Variants in NFIB observed in about 807,000 individuals in gnomAD.
NFIB encodes the protein nuclear factor I B.
Under a neutral mutation model 61.5 loss-of-function variants are expected in NFIB, and 11 were observed. The observed-to-expected ratio is 0.18, with a 90% CI of 0.11 to 0.30. The LOEUF (loss-of-function observed/expected upper bound fraction) is 0.30. NFIB is among the 10% of genes least tolerant of loss of function. NFIB has a pLI of 1.00. For synonymous variants in NFIB, 260 were observed against 216.5 expected, an observed-to-expected ratio of 1.20 and a Z score of -1.76; for missense variants, 471 against 608.9, an observed-to-expected ratio of 0.77 and a Z score of 2.38.
rs1563932702 is a variant in NFIB, at chr9:14,237,841, C to CTGTGTGTGTGTGTG, written c.563-58062_563-58061insCACACACACACACA. On this transcript the variant is annotated intron_variant, in intron 2 of 10. Transcript: ENST00000380953. ...AAGCTCCTCACCCTGCTAGGTATAA[C>CTGTGTGTGTGTGTG]AGTGTGTGTGTGTGTGTGTGTGTGT... Among the ~76,000 whole-genome samples the CTGTGTGTGTGTGTG allele has an allele frequency of 5.0e-4, 13 of 25,998 alleles. 2 individuals are homozygous for CTGTGTGTGTGTGTG. Among genetic ancestry groups the CTGTGTGTGTGTGTG allele is most frequent in the East Asian group, 2.6e-3 (2 of 780 alleles). The allele number at this position is 25,998 out of a possible 152,430, so 17.1% of individuals were successfully genotyped here. A position where few individuals can be genotyped will look rare whatever the true frequency, so the allele number is the denominator to read the frequency against.
the NFIB span, among the ~76,000 whole-genome samples, chr9:14,497,736 T>C: frequency 1.3e-5 from 2 of 152,340 alleles, no homozygotes; most frequent in South Asian, 4.1e-4. Context: ...GTTCCAACTA[T>C]CTGGCCACAG....
In NFIB at chr9:14,131,232, A is replaced by G. The variant is rs544254470; in HGVS notation, c.926-5466T>C. Reference sequence around the variant, plus strand: ...ATCGTGTAGTTGAATATGGAATAAAAGATCACCATGTAAGAAAAAAGTTCA... The same window carrying G: ...ATCGTGTAGTTGAATATGGAATAAAGGATCACCATGTAAGAAAAAAGTTCA... On this transcript the variant is annotated intron_variant, in intron 6 of 10. Transcript: ENST00000380953. Among the ~76,000 whole-genome samples, 14 of 152,316 alleles carry G rather than the reference A, an allele frequency of 9.2e-5. No individual in the cohort carries two copies. In the East Asian group the frequency reaches 2.7e-3, roughly 29 times the overall value.
At chr9:14,168,863 T>C (rs148735733) in intron 3 of NFIB, among the ~76,000 whole-genome samples, 150 of 152,328 alleles carry the variant, frequency 9.8e-4, no homozygotes, top group African/African-American at 3.4e-3. Flanking sequence ...CTGTTCTTTC[T>C]ACATTCTTTC....
At chr9:14,160,638 T>C (rs997415250) in intron 3 of NFIB, among the ~76,000 whole-genome samples, 3 of 151,810 alleles carry the variant, frequency 2.0e-5, no homozygotes, top group Admixed American at 6.6e-5. Flanking sequence ...GCATAACCAA[T>C]ATATTCCCAA....
the NFIB span, among the ~76,000 whole-genome samples, chr9:14,516,955 G>A: frequency 6.6e-6 from 1 of 152,206 alleles, no homozygotes; most frequent in Non-Finnish European, 1.5e-5. Context: ...AAACATGATA[G>A]AGTAGAAATC....
the NFIB span, among the ~76,000 whole-genome samples, chr9:14,523,802 G>A: frequency 6.6e-6 from 1 of 152,070 alleles, no homozygotes; most frequent in African/African-American, 2.4e-5. Flanking sequence ...TCCGTCTGCT[G>A]CCCTACCACT....
intron 2 of NFIB, among the ~76,000 whole-genome samples, chr9:14,182,683 C>CCTCT (rs144528136): frequency 0.068 from 2,738 of 40,452 alleles, 148 homozygotes; most frequent in South Asian, 0.13. Context: ...ACACCCCCCA[C>CCTCT]CTCTCTCTCT....
chr9:14,417,388 A>G, the NFIB span, among the ~76,000 whole-genome samples: 2 of 152,208 alleles, frequency 1.3e-5, no homozygotes, highest in Admixed American at 6.5e-5. Flanking sequence ...GGGTTTGTGT[A>G]AGCACACTGT....
At chr9:14,098,885 T>C (rs2035294530) in intron 10 of NFIB, among the ~76,000 whole-genome samples, 1 of 152,224 alleles carries the variant, frequency 6.6e-6, no homozygotes, top group African/African-American at 2.4e-5. Flanking sequence ...GGTTGTAACC[T>C]AATAAGGCTG....
chr9:14,368,091 C>A (rs2061322173), intron 1 of NFIB, among the ~76,000 whole-genome samples: 1 of 151,180 alleles, frequency 6.6e-6, no homozygotes, highest in African/African-American at 2.4e-5. Flanking sequence ...GACATGTATA[C>A]CTATGTACAA....
intron 10 of NFIB, among the ~76,000 whole-genome samples, chr9:14,100,220 T>C (rs959288912): frequency 6.6e-6 from 1 of 152,232 alleles, no homozygotes; most frequent in African/African-American, 2.4e-5. Context: ...AAATAAATTC[T>C]GTATTTTTTT....
At chr9:14,266,646 G>T (rs1490034484) in intron 2 of NFIB, among the ~76,000 whole-genome samples, 2 of 151,724 alleles carry the variant, frequency 1.3e-5, no homozygotes, top group African/African-American at 4.8e-5. Context: ...GCTTCCCTCG[G>T]ATCTCCTCTT....
At chr9:14,525,054 G>A in the NFIB span, among the ~76,000 whole-genome samples, 4 of 152,146 alleles carry the variant, frequency 2.6e-5, no homozygotes, top group African/African-American at 9.7e-5. Flanking sequence ...ACTATAGCGA[G>A]TCTAATTGTC....
intron 1 of NFIB, chr9:14,322,323 G>A (rs1257230374): frequency 2.9e-5 from 8 of 275,012 alleles, no homozygotes; most frequent in Non-Finnish European, 5.4e-5. Context: ...CCGCGTGTGC[G>A]TGTGTGCATG....
rs539917751 is a variant in NFIB at position 14,128,613 on chromosome 9, G to A, written c.926-2847C>T. Among the ~76,000 whole-genome samples, 39 of 150,776 alleles carry A rather than the reference G, an allele frequency of 2.6e-4. No homozygotes were observed. The East Asian group carries it at 3.3e-3, about 13-fold the overall frequency. ...CTTGGGAGGCTGAGGCAGGAGAATC[G>A]CTTGAACCTTGGAGGCAGGGGTTGT... On this transcript the variant is annotated intron_variant, in intron 6 of 10. Transcript: ENST00000380953.
At chr9:14,235,242 G>A (rs536004591) in intron 2 of NFIB, among the ~76,000 whole-genome samples, 18 of 152,190 alleles carry the variant, frequency 1.2e-4, no homozygotes, top group Admixed American at 5.2e-4. Flanking sequence ...TGATAAAGGC[G>A]ATCTGATGTT....
intron 10 of NFIB, among the ~76,000 whole-genome samples, chr9:14,098,593 G>T (rs535016699): frequency 1.1e-3 from 163 of 152,246 alleles, no homozygotes; most frequent in South Asian, 1.7e-3. Flanking sequence ...AAGGTAATTT[G>T]TCCACATGAG....
At chr9:14,521,087 G>A in the NFIB span, among the ~76,000 whole-genome samples, 1 of 152,170 alleles carries the variant, frequency 6.6e-6, no homozygotes, top group Non-Finnish European at 1.5e-5. Context: ...ACAAAGTGGT[G>A]GATGATGCTT....
At chr9:14,448,094 G>C in the NFIB span, among the ~76,000 whole-genome samples, 12 of 152,236 alleles carry the variant, frequency 7.9e-5, no homozygotes, top group African/African-American at 2.4e-4. Flanking sequence ...CCATAGATGG[G>C]ATTGAGAAAA....
Sources: allele counts gnomAD v4.1 joint callset (sites outside exome capture counted in the v4.1 genomes callset), GRCh38; gene constraint gnomAD v4.1.1; transcripts MANE v1.5; gene names NCBI Gene and HGNC (gene_info 2026-07-23, HGNC 2026-07-21).